The following KYAT3 variants were observed in gnomAD, a reference collection of about 807,000 sequenced individuals.
KYAT3 encodes kynurenine aminotransferase 3, also known as kynurenine--oxoglutarate transaminase 3.
In KYAT3, 50 loss-of-function variants were observed where a neutral mutation model predicts 59.0. That is an observed-to-expected ratio of 0.85 (90% CI 0.68 to 1.07). KYAT3 has a LOEUF of 1.07. Among genes scored for constraint, KYAT3 ranks in the 50% least tolerant of loss-of-function variants. The pLI is 0.00. For missense variants in KYAT3, 497 were observed against 533.3 expected, an observed-to-expected ratio of 0.93 and a Z score of 0.67; for synonymous variants, 148 against 177.0, an observed-to-expected ratio of 0.84 and a Z score of 1.30.
At position 88,988,294 on chromosome 1, in the gene KYAT3, C is replaced by G. The variant is rs753621434; in HGVS notation, c.57G>C (p.Lys19Asn). ...CSLSGRAKFL[K>N]TISSSKILGF... ...CGAGGATTTTGGAAGAAGAAATTGT[C>G]TTCAGGAATTTTGCTCTACCGCTAA... Residue 19 changes from lysine to asparagine, a missense_variant, in exon 2 of 14, where the codon AAG becomes AAC. By Grantham distance (94) the Lys-to-Asn change is moderately conservative. Around this residue, in one of 2 missense-constraint regions of KYAT3, gnomAD observed 469 missense variants for 479.1 expected, o/e 0.98. Transcript: ENST00000260508. The G allele has an allele frequency of 6.3e-5, 101 of 1,613,660 alleles. No homozygotes were observed. Among genetic ancestry groups the G allele is most frequent in the Non-Finnish European group, 8.2e-5 (97 of 1,179,780 alleles).
intron 13 of KYAT3, among the ~76,000 whole-genome samples, chr1:88,937,217 A>C (rs562726666): frequency 2.0e-5 from 3 of 152,234 alleles, no homozygotes; most frequent in Non-Finnish European, 2.9e-5. Context: ...GGAGACCTAG[A>C]TGGGGGCACC....
chr1:88,952,210 A>C (rs1675702170), intron 10 of KYAT3, among the ~76,000 whole-genome samples: 1 of 152,210 alleles, frequency 6.6e-6, no homozygotes, highest in African/African-American at 2.4e-5. Context: ...CAATGTTTGG[A>C]TAGATCATGG....
At chr1:88,955,326 G>C in intron 8 of KYAT3, 101 bp from the exon 9 acceptor site, 1 of 723,302 alleles carries the variant, frequency 1.4e-6, no homozygotes, top group Non-Finnish European at 2.3e-6. Context: ...ATGAAAATAA[G>C]TGTGTTATAA....
At chr1:88,966,261 AT>A (rs1219003748) in intron 4 of KYAT3, among the ~76,000 whole-genome samples, 1 of 152,154 alleles carries the variant, frequency 6.6e-6, no homozygotes, top group African/African-American at 2.4e-5. Flanking sequence ...TATTTACAAA[AT>A]TTGACATATT....
intron 2 of KYAT3, among the ~76,000 whole-genome samples, chr1:88,987,112 G>A (rs921816592): frequency 6.6e-6 from 1 of 152,190 alleles, no homozygotes; most frequent in Non-Finnish European, 1.5e-5. Flanking sequence ...ACATACATCA[G>A]AATCAGCTGG....
chr1:88,936,243 T>C lies in KYAT3; in HGVS notation c.1305A>G (p.Lys435=), dbSNP rs759861752. 8 of 1,600,276 alleles carry C rather than the reference T, an allele frequency of 5.0e-6. No individual in the cohort carries two copies. The Admixed American group carries it at 6.7e-5, about 13-fold the overall frequency. ...CTTCAGCAGCATCCAGTGTGCTGTC[T>C]TTCTGTAAATTAATGAAATAATCAT... The part of the protein sequence containing the change: ...EKFVRFCFIK[K]DSTLDAAEEI... The change falls in exon 14 of 14, where the codon AAA becomes AAG. Residue 435 remains lysine, a splice_region_variant and synonymous_variant. Coordinates refer to ENST00000260508, the MANE Select transcript of KYAT3 (RefSeq NM_001008661.3).
chr1:88,945,173 G>C (rs1557681955), intron 11 of KYAT3, among the ~76,000 whole-genome samples: 1 of 152,102 alleles, frequency 6.6e-6, no homozygotes. Context: ...CCATGATGTT[G>C]AAAAAGGAAA....
At chr1:88,921,130 CTT>C in the KYAT3 span, among the ~76,000 whole-genome samples, 5 of 152,198 alleles carry the variant, frequency 3.3e-5, no homozygotes, top group Non-Finnish European at 5.9e-5. Context: ...GTTCCAGTCT[CTT>C]TTCATCTTTC....
intron 4 of KYAT3, among the ~76,000 whole-genome samples, chr1:88,967,575 T>C (rs1421261297): frequency 6.6e-6 from 1 of 152,146 alleles, no homozygotes; most frequent in Non-Finnish European, 1.5e-5. Flanking sequence ...TTTCTTTCAT[T>C]GACATAGGGC....
At position 88,956,419 on chromosome 1, in the gene KYAT3, G is replaced by T. The variant is rs146245226; in HGVS notation, c.788-1194C>A. On this transcript the variant is annotated intron_variant, in intron 8 of 13. Transcript: ENST00000260508. Reference sequence around the variant, plus strand: ...CAAGTTGTTTAACATCTTTAATAAAGACATTGATTCATTCATACATCAAAT... The same window carrying T: ...CAAGTTGTTTAACATCTTTAATAAATACATTGATTCATTCATACATCAAAT... Among the ~76,000 whole-genome samples the T allele has an allele frequency of 3.9e-3, 601 of 152,284 alleles. 13 individuals carry two copies. The highest frequency in any genetic ancestry group is 0.03 in the East Asian group (157 of 5,186).
intron 2 of KYAT3, among the ~76,000 whole-genome samples, chr1:88,978,115 GTA>G (rs1012485419): frequency 1.2e-4 from 18 of 151,836 alleles, no homozygotes; most frequent in African/African-American, 3.4e-4. Context: ...ACACATGTAT[GTA>G]TATGTTATGT....
In KYAT3 at chr1:88,989,814, C is replaced by T. The variant is rs151196328; in HGVS notation, c.-1-1463G>A. On this transcript the variant is annotated intron_variant, in intron 1 of 13. Coordinates refer to ENST00000260508, the MANE Select transcript of KYAT3 (RefSeq NM_001008661.3). Reference sequence around the variant, plus strand: ...AATCTCAAAGCCTAAATCCCAAACCCCTCTCTCCTATCTGTCTTCTACAGC... The same window carrying T: ...AATCTCAAAGCCTAAATCCCAAACCTCTCTCTCCTATCTGTCTTCTACAGC... Among the ~76,000 whole-genome samples, 741 of 152,218 alleles carry T rather than the reference C, an allele frequency of 4.9e-3. 6 individuals are homozygous for T. The highest frequency in any genetic ancestry group is 0.017 in the African/African-American group (709 of 41,534).
chr1:88,930,821 A>G (rs1674891662), downstream of KYAT3, among the ~76,000 whole-genome samples: 1 of 152,166 alleles, frequency 6.6e-6, no homozygotes, highest in South Asian at 2.1e-4. Flanking sequence ...AAAGAAACCT[A>G]AAGAGGTGGC....
chr1:88,922,797 A>G, the KYAT3 span, among the ~76,000 whole-genome samples: 2 of 152,208 alleles, frequency 1.3e-5, no homozygotes, highest in African/African-American at 4.8e-5. Context: ...TATGGAATTG[A>G]CCTCAAATTG....
chr1:88,975,120 C>A (rs1332723554), intron 2 of KYAT3, among the ~76,000 whole-genome samples: 1 of 150,548 alleles, frequency 6.6e-6, no homozygotes, highest in African/African-American at 2.5e-5. Flanking sequence ...TTGAAGTCAG[C>A]GAGACCACGA....
intron 8 of KYAT3, among the ~76,000 whole-genome samples, chr1:88,956,086 T>C (rs574593618): frequency 1.3e-5 from 2 of 152,290 alleles, no homozygotes; most frequent in East Asian, 1.9e-4. Flanking sequence ...ATGAAACTTA[T>C]CAAACACACA....
chr1:88,968,638 G>A, intron 4 of KYAT3, 32 bp downstream of exon 4: 1 of 1,503,306 alleles, frequency 6.7e-7, no homozygotes. Flanking sequence ...TAAAATAAAA[G>A]CTCATGGCCC....
chr1:88,941,408 T>C (rs1013337766), intron 13 of KYAT3, among the ~76,000 whole-genome samples: 4 of 152,334 alleles, frequency 2.6e-5, no homozygotes, highest in African/African-American at 9.6e-5. Context: ...GTAACACACT[T>C]GGAACCTTTT....
At position 88,963,497 on chromosome 1, in the gene KYAT3, G is replaced by A. The variant is rs371914493; in HGVS notation, c.453+1332C>T. Reference sequence around the variant, plus strand: ...CTTTCATAAAAGTGGTATGATAAAGGGTTATGAGAGTTTAAAGAAAGTTAA... The same window carrying A: ...CTTTCATAAAAGTGGTATGATAAAGAGTTATGAGAGTTTAAAGAAAGTTAA... On this transcript the variant is annotated intron_variant, in intron 5 of 13. Coordinates refer to ENST00000260508, the MANE Select transcript of KYAT3 (RefSeq NM_001008661.3). 3.9e-5 allele frequency among the ~76,000 whole-genome samples: 6 copies of A among 152,296 alleles called. No individual in the cohort carries two copies. In the East Asian group the frequency reaches 7.7e-4, roughly 20 times the overall value.
Sources: gnomAD v4.1 joint callset for allele counts (sites outside exome capture counted in the v4.1 genomes callset) on GRCh38, gnomAD v4.1.1 for gene constraint, gnomAD v4.1.1 regional missense constraint, MANE v1.5 for transcripts, NCBI Gene and HGNC (gene_info 2026-07-23, HGNC 2026-07-21) for gene names.